The following NECAB1 variants were observed in gnomAD, a reference collection of about 807,000 sequenced individuals.
NECAB1 encodes the protein N-terminal EF-hand calcium binding protein 1.
NECAB1 carries 29 observed loss-of-function variants against 57.5 expected under a neutral mutation model. The observed-to-expected ratio is 0.50, with a 90% CI of 0.38 to 0.69. The LOEUF (loss-of-function observed/expected upper bound fraction) is 0.69, where lower values mean the gene tolerates loss of function less well. NECAB1 is among the 30% of genes least tolerant of loss of function. The pLI, the probability that NECAB1 is intolerant of heterozygous loss-of-function variation, is 0.00. For synonymous variants in NECAB1, 142 were observed against 147.7 expected (o/e 0.96, Z 0.28); for missense variants, 372 against 413.8 (o/e 0.90, Z 0.88).
At chr8:90,889,281 G>A (rs558297419) in intron 5 of NECAB1, among the ~76,000 whole-genome samples, 5 of 152,236 alleles carry the variant, frequency 3.3e-5, no homozygotes, top group African/African-American at 1.2e-4. Context: ...ATCACTGTAA[G>A]TGTAACAGGA....
At chr8:90,860,630 TA>T (rs1361706412) in intron 3 of NECAB1, among the ~76,000 whole-genome samples, 1 of 152,150 alleles carries the variant, frequency 6.6e-6, no homozygotes, top group Admixed American at 6.6e-5. Context: ...GATAGATGAA[TA>T]AAAAGATTAT....
chr8:90,944,168 A>G (rs1268101127), intron 10 of NECAB1, among the ~76,000 whole-genome samples: 1 of 152,200 alleles, frequency 6.6e-6, no homozygotes, highest in Non-Finnish European at 1.5e-5. Flanking sequence ...CTAGCGTTTA[A>G]TCCTTCTTGT....
intron 3 of NECAB1, among the ~76,000 whole-genome samples, chr8:90,850,412 GAAC>G (rs1344795776): frequency 6.6e-6 from 1 of 152,178 alleles, no homozygotes; most frequent in Non-Finnish European, 1.5e-5. Context: ...TAAAATTAAT[GAAC>G]AACAGAAAGA....
chr8:90,881,517 C>T (rs1464178249), intron 5 of NECAB1, among the ~76,000 whole-genome samples: 2 of 152,152 alleles, frequency 1.3e-5, no homozygotes, highest in Non-Finnish European at 2.9e-5. Flanking sequence ...GTGCTGTTCT[C>T]CTGATGTTGA....
chr8:90,941,674 CTAT>C (rs975135984), intron 10 of NECAB1, among the ~76,000 whole-genome samples: 4 of 152,312 alleles, frequency 2.6e-5, no homozygotes, highest in African/African-American at 7.2e-5. Context: ...CATATCACTA[CTAT>C]TATTTGTTCT....
intron 2 of NECAB1, among the ~76,000 whole-genome samples, chr8:90,813,743 G>A (rs1268733829): frequency 1.3e-5 from 2 of 151,982 alleles, no homozygotes; most frequent in Admixed American, 1.3e-4. Context: ...TGCCCAGGCT[G>A]GTCTCAAACT....
At chr8:90,906,876 C>CGTATATATATATGT (rs1809667102) in intron 5 of NECAB1, among the ~76,000 whole-genome samples, 14 of 121,760 alleles carry the variant, frequency 1.1e-4, no homozygotes, top group African/African-American at 4.2e-4. Flanking sequence ...ATGATATACA[C>CGTATATATATATGT]ATATATATAT....
intron 3 of NECAB1, among the ~76,000 whole-genome samples, chr8:90,861,706 A>T (rs2129811823): frequency 6.6e-6 from 1 of 152,314 alleles, no homozygotes. Context: ...TTCGATCTTC[A>T]CAAACAATGT....
At chr8:90,951,435 GT>G (rs1210852200) in intron 12 of NECAB1, among the ~76,000 whole-genome samples, 1 of 151,926 alleles carries the variant, frequency 6.6e-6, no homozygotes, top group East Asian at 1.9e-4. Context: ...TGAACCATTA[GT>G]CATTTGCTAA....
At position 90,940,746 on chromosome 8, in the gene NECAB1, G is replaced by A. The variant is rs370591150; in HGVS notation, c.748-40G>A. On this transcript the variant is annotated intron_variant, in intron 9 of 12. Transcript: ENST00000417640. Reference sequence around the variant, plus strand: ...TAGGAGTCAGCTTAAATCGGGCTCCGTGACAGCCAACGCAGTGACCCTCGC... The same window carrying A: ...TAGGAGTCAGCTTAAATCGGGCTCCATGACAGCCAACGCAGTGACCCTCGC... 2.7e-5 allele frequency: 40 copies of A among 1,490,134 alleles called. No homozygotes were observed. In the Admixed American group the frequency reaches 4.5e-4, roughly 17 times the overall value. The allele number at this position is 1,490,134 out of a possible 1,614,324, so 92.3% of individuals were successfully genotyped here. A position where few individuals can be genotyped will look rare whatever the true frequency, so the allele number is the denominator to read the frequency against.
At chr8:90,902,520 CTCT>C (rs1809532607) in intron 5 of NECAB1, among the ~76,000 whole-genome samples, 1 of 152,092 alleles carries the variant, frequency 6.6e-6, no homozygotes, top group Admixed American at 6.6e-5. Flanking sequence ...CTCTCTGTCT[CTCT>C]TCATGTGTGT....
intron 5 of NECAB1, among the ~76,000 whole-genome samples, chr8:90,906,899 A>ATATATATGTATATATATATG (rs1197777567): frequency 3.6e-5 from 5 of 140,540 alleles, no homozygotes; most frequent in African/African-American, 1.1e-4. Flanking sequence ...ATATATATAT[A>ATATATATGTATATATATATG]TATATATATA....
chr8:90,806,205 A>G (rs997250349), intron 2 of NECAB1, among the ~76,000 whole-genome samples: 2 of 152,170 alleles, frequency 1.3e-5, no homozygotes, highest in African/African-American at 4.8e-5. Context: ...GGGTGGCACA[A>G]TTGATCCCTG....
intron 6 of NECAB1, among the ~76,000 whole-genome samples, chr8:90,918,207 T>C (rs1437253118): frequency 1.3e-5 from 2 of 151,466 alleles, no homozygotes; most frequent in African/African-American, 4.8e-5. Context: ...AGACGGGGTT[T>C]CACTATGTTG....
intron 2 of NECAB1, among the ~76,000 whole-genome samples, chr8:90,822,487 G>A (rs1331276985): frequency 1.3e-5 from 2 of 151,874 alleles, no homozygotes; most frequent in African/African-American, 4.8e-5. Flanking sequence ...TTCAAGCCAA[G>A]ACTATAAGCT....
At chr8:90,911,943 A>G (rs1421346317) in intron 5 of NECAB1, among the ~76,000 whole-genome samples, 2 of 152,224 alleles carry the variant, frequency 1.3e-5, no homozygotes, top group African/African-American at 4.8e-5. Context: ...TATGATAACT[A>G]TTCTTATCCA....
chr8:90,956,943 CGTGTGTGTGTGTGTGTGTGTGTGT>C lies in NECAB1; in HGVS notation c.*1450_*1473del, dbSNP rs66645266. ...AATTTTGATATATTGTACATACACA[CGTGTGTGTGTGTGTGTGTGTGTGT>C]GTGTGTGTGTGTGTGTGTATTTGTG... On this transcript the variant is annotated 3_prime_UTR_variant, in exon 13 of 13. Transcript: ENST00000417640. The C allele has an allele frequency of 7.0e-5, 10 of 143,452 alleles. No individual in the cohort carries two copies. The highest frequency in any genetic ancestry group is 2.3e-4 in the African/African-American group (9 of 38,916). 8.9% of individuals were successfully genotyped at this position (143,452 alleles called of 1,614,324 possible).
chr8:90,950,975 T>A (rs1023283462), intron 11 of NECAB1, 138 bp from the exon 12 acceptor site: 5 of 414,666 alleles, frequency 1.2e-5, no homozygotes, highest in Admixed American at 8.9e-5. Context: ...GAACAACCAT[T>A]AAAAGAAGCT....
chr8:90,799,993 T>C (rs1811734517), intron 1 of NECAB1, among the ~76,000 whole-genome samples: 1 of 152,226 alleles, frequency 6.6e-6, no homozygotes, highest in African/African-American at 2.4e-5. Context: ...AGCAGTGTTT[T>C]GTAGTTCTCC....
Sources: gnomAD v4.1 joint callset for allele counts (sites outside exome capture counted in the v4.1 genomes callset) on GRCh38, gnomAD v4.1.1 for gene constraint, MANE v1.5 for transcripts, NCBI Gene and HGNC (gene_info 2026-07-23, HGNC 2026-07-21) for gene names.